CNTN5: variants seen among roughly 807,000 people sequenced by gnomAD.
CNTN5 encodes contactin 5, also known as contactin-5.
CNTN5 carries 77 observed loss-of-function variants against 129.1 expected under a neutral mutation model. The observed-to-expected ratio is 0.60, with a 90% confidence interval of 0.50 to 0.72. CNTN5 has a LOEUF of 0.72. CNTN5 is among the 30% of genes least tolerant of loss of function. The probability of loss-of-function intolerance (pLI) is 0.00; values close to 1 mark genes in which losing one functional copy is unlikely to be tolerated. For synonymous variants in CNTN5, 509 were observed against 465.6 expected, an observed-to-expected ratio of 1.09 and a Z score of -1.20; for missense variants, 1,478 against 1,328.8, an observed-to-expected ratio of 1.11 and a Z score of -1.75.
At chr11:100,355,684 G>A (rs1693171913) in intron 24 of CNTN5, among the ~76,000 whole-genome samples, 1 of 151,504 alleles carries the variant, frequency 6.6e-6, no homozygotes, top group African/African-American at 2.4e-5. Context: ...TAATCTCAGG[G>A]GGCCACCATC....
chr11:99,552,619 C>T (rs1330048414), intron 2 of CNTN5, among the ~76,000 whole-genome samples: 1 of 152,024 alleles, frequency 6.6e-6, no homozygotes, highest in African/African-American at 2.4e-5. Context: ...GTTGGAGAGG[C>T]CTAGGCAGAG....
At position 100,039,374 on chromosome 11, in the gene CNTN5, C is replaced by T. The variant is rs761634412; in HGVS notation, c.981-21838C>T. 1.0e-3 allele frequency among the ~76,000 whole-genome samples: 156 copies of T among 152,110 alleles called. 1 individual carries two copies. The highest frequency in any genetic ancestry group is 2.0e-3 in the Non-Finnish European group (137 of 68,034). On this transcript the variant is annotated intron_variant, in intron 9 of 24. Coordinates refer to ENST00000524871, the MANE Select transcript of CNTN5 (RefSeq NM_014361.4). ...GATGGGCTTCCCTTTGAGGGTAACC[C>T]GACCTTTCTCTCTGGTTGCCCTTAA... is the stretch of plus-strand genomic sequence containing the variant.
At chr11:99,692,466 GAC>G (rs1565432679) in intron 3 of CNTN5, among the ~76,000 whole-genome samples, 1 of 151,946 alleles carries the variant, frequency 6.6e-6, no homozygotes, top group Non-Finnish European at 1.5e-5. Flanking sequence ...TGTGAAAAAG[GAC>G]TTTATTTCTC....
At chr11:99,399,779 C>G (rs1001894001) in intron 2 of CNTN5, among the ~76,000 whole-genome samples, 1 of 151,462 alleles carries the variant, frequency 6.6e-6, no homozygotes, top group African/African-American at 2.4e-5. Context: ...CTTTGATTCT[C>G]TCAGATATTT....
intron 1 of CNTN5, among the ~76,000 whole-genome samples, chr11:99,194,570 G>A (rs58117815): frequency 6.6e-6 from 1 of 152,092 alleles, no homozygotes. Context: ...AGATTACTTA[G>A]AAGTCTTCAA....
intron 2 of CNTN5, among the ~76,000 whole-genome samples, chr11:99,445,539 T>G (rs774778221): frequency 3.3e-5 from 5 of 152,176 alleles, no homozygotes; most frequent in Non-Finnish European, 7.4e-5. Context: ...TATGTACATC[T>G]TTACTAACAT....
intron 3 of CNTN5, among the ~76,000 whole-genome samples, chr11:99,656,114 G>T (rs765606020): frequency 2.0e-5 from 3 of 151,894 alleles, no homozygotes. Flanking sequence ...GAGCTAAATG[G>T]AGTATTAAAA....
intron 13 of CNTN5, among the ~76,000 whole-genome samples, chr11:100,128,565 G>T (rs900443497): frequency 6.6e-6 from 1 of 152,018 alleles, no homozygotes; most frequent in South Asian, 2.1e-4. Flanking sequence ...GTAATCACAA[G>T]CACCTTTACA....
rs549219528 is a variant in CNTN5 at position 99,638,929 on chromosome 11, CT to C, written c.55+82661del. Among the ~76,000 whole-genome samples the C allele has an allele frequency of 5.5e-4, 84 of 152,278 alleles. 1 individual carries two copies. The highest frequency in any genetic ancestry group is 3.4e-3 in the Middle Eastern group (1 of 294). On this transcript the variant is annotated intron_variant, in intron 3 of 24. Transcript: ENST00000524871. ...TGGTGGCCCTCTTCTCACAACTCTA[CT>C]AGGCAGTGCCCCAGTAGGGACTTTG... is the stretch of plus-strand genomic sequence containing the variant.
At chr11:99,326,702 A>T (rs1470182884) in intron 2 of CNTN5, among the ~76,000 whole-genome samples, 8 of 152,170 alleles carry the variant, frequency 5.3e-5, no homozygotes. Context: ...AGGTATCTCT[A>T]AATTAATCTT....
At chr11:99,308,313 A>C (rs532615743) in intron 1 of CNTN5, among the ~76,000 whole-genome samples, 120 of 152,346 alleles carry the variant, frequency 7.9e-4, no homozygotes, top group Non-Finnish European at 1.5e-3. Context: ...ACCAGTAAGC[A>C]AAACAACATT....
chr11:100,107,435 G>A (rs1945481239), intron 13 of CNTN5, among the ~76,000 whole-genome samples: 1 of 150,794 alleles, frequency 6.6e-6, no homozygotes, highest in South Asian at 2.1e-4. Flanking sequence ...ATCCCAGAAT[G>A]CATTAGATTA....
At position 99,340,947 on chromosome 11, in the gene CNTN5, C is replaced by T. The variant is rs946588704; in HGVS notation, c.-71+15463C>T. On this transcript the variant is annotated intron_variant, in intron 2 of 24. Transcript: ENST00000524871. ...TAAACTTTTCTGCTTGATTCTGCTG[C>T]TTCTCTAATCTCCCCCATTTTGAAC... Among the ~76,000 whole-genome samples, 4 of 152,240 alleles carry T rather than the reference C, an allele frequency of 2.6e-5. No homozygotes were observed. In the South Asian group the frequency reaches 8.3e-4, roughly 32 times the overall value.
At chr11:99,612,978 C>A (rs1475149404) in intron 3 of CNTN5, among the ~76,000 whole-genome samples, 2 of 152,056 alleles carry the variant, frequency 1.3e-5, no homozygotes, top group Admixed American at 1.3e-4. Flanking sequence ...AAGTGTGGAG[C>A]CCAGGGAATT....
intron 2 of CNTN5, among the ~76,000 whole-genome samples, chr11:99,351,288 C>A (rs1052496906): frequency 1.3e-5 from 2 of 152,212 alleles, no homozygotes; most frequent in Non-Finnish European, 1.5e-5. Flanking sequence ...ACACTTACCA[C>A]TCCCAATACC....
chr11:99,083,642 A>G, intron 1 of CNTN5, among the ~76,000 whole-genome samples: 1 of 152,216 alleles, frequency 6.6e-6, no homozygotes, highest in East Asian at 1.9e-4. Flanking sequence ...AATTTGTATC[A>G]GAGGAACTCA....
chr11:99,949,527 T>G (rs1950625965), intron 7 of CNTN5, among the ~76,000 whole-genome samples: 1 of 152,142 alleles, frequency 6.6e-6, no homozygotes, highest in African/African-American at 2.4e-5. Flanking sequence ...TAATGCAAAG[T>G]TTGGAACCTA....
chr11:100,031,050 G>A (rs527827827), intron 9 of CNTN5, among the ~76,000 whole-genome samples: 2 of 152,304 alleles, frequency 1.3e-5, no homozygotes, highest in African/African-American at 4.8e-5. Context: ...CCACTGCACA[G>A]TCTATAGGTG....
At chr11:99,026,920 G>A (rs1863134046) in intron 1 of CNTN5, among the ~76,000 whole-genome samples, 1 of 151,398 alleles carries the variant, frequency 6.6e-6, no homozygotes, top group Non-Finnish European at 1.5e-5. Flanking sequence ...TGTTGCCACT[G>A]ATTATACATA....
Sources: allele counts gnomAD v4.1 joint callset (sites outside exome capture counted in the v4.1 genomes callset), GRCh38; gene constraint gnomAD v4.1.1; transcripts MANE v1.5; gene names NCBI Gene and HGNC (gene_info 2026-07-23, HGNC 2026-07-21).